LRMDA: variants seen among roughly 807,000 people sequenced by gnomAD.
LRMDA encodes the protein leucine-rich melanocyte differentiation-associated protein.
LRMDA carries 18 observed loss-of-function variants against 29.8 expected under a neutral mutation model. That is an observed-to-expected ratio of 0.60 (90% CI 0.42 to 0.90). LRMDA has a LOEUF of 0.90. Among genes scored for constraint, LRMDA ranks in the 40% least tolerant of loss-of-function variants. LRMDA has a pLI of 0.00. For synonymous variants in LRMDA, 125 were observed against 109.4 expected, an observed-to-expected ratio of 1.14 and a Z score of -0.89; for missense variants, 273 against 273.9, an observed-to-expected ratio of 1.00 and a Z score of 0.02.
chr10:76,058,553 G>T lies in LRMDA; in HGVS notation c.399-113G>T, dbSNP rs939205280. 2.6e-5 allele frequency: 22 copies of T among 854,782 alleles called. No individual in the cohort carries two copies. In the Middle Eastern group the frequency reaches 1.6e-3, roughly 61 times the overall value. 52.9% of individuals were successfully genotyped at this position (854,782 alleles called of 1,614,324 possible). ...AAAGAAGAGAGGAGGCGCAGCCAAG[G>T]TCTAAGTTCCAGAAGACCGGATGGT... On this transcript the variant is annotated intron_variant, in intron 4 of 6. Coordinates refer to ENST00000611255, the MANE Select transcript of LRMDA (RefSeq NM_001305581.2).
At chr10:76,292,730 CTGA>C (rs1330241444) in intron 5 of LRMDA, among the ~76,000 whole-genome samples, 2 of 151,644 alleles carry the variant, frequency 1.3e-5, no homozygotes, top group Non-Finnish European at 2.9e-5. Flanking sequence ...ATAGATTGGG[CTGA>C]TGTTACACAG....
intron 2 of LRMDA, among the ~76,000 whole-genome samples, chr10:75,629,550 C>A (rs1263596729): frequency 6.6e-6 from 1 of 152,200 alleles, no homozygotes; most frequent in East Asian, 1.9e-4. Flanking sequence ...CCTAACTAAT[C>A]AGCTATTTCA....
chr10:76,136,268 C>T (rs954220800), intron 5 of LRMDA, among the ~76,000 whole-genome samples: 2 of 152,064 alleles, frequency 1.3e-5, no homozygotes, highest in Non-Finnish European at 2.9e-5. Flanking sequence ...CAGAGTGTGG[C>T]CATTTATAGG....
At chr10:75,786,221 G>A (rs557268625) in intron 2 of LRMDA, among the ~76,000 whole-genome samples, 32 of 152,284 alleles carry the variant, frequency 2.1e-4, no homozygotes, top group African/African-American at 7.7e-4. Context: ...CATTTGGGGC[G>A]GTATGAAAAG....
intron 5 of LRMDA, among the ~76,000 whole-genome samples, chr10:76,207,141 A>G (rs1036967973): frequency 1.3e-5 from 2 of 151,582 alleles, no homozygotes; most frequent in Non-Finnish European, 2.9e-5. Context: ...AACAGGGGTA[A>G]TGAATCAGCC....
chr10:76,285,652 C>T (rs1840262865), intron 5 of LRMDA, among the ~76,000 whole-genome samples: 1 of 151,960 alleles, frequency 6.6e-6, no homozygotes. Flanking sequence ...AGGCATAGTC[C>T]ACTCCACTGA....
intron 2 of LRMDA, among the ~76,000 whole-genome samples, chr10:75,477,305 C>T (rs989786348): frequency 6.6e-6 from 1 of 152,118 alleles, no homozygotes; most frequent in African/African-American, 2.4e-5. Flanking sequence ...CCCTAATAAC[C>T]TCATTTTAAC....
At chr10:76,213,222 T>C (rs753009907) in intron 5 of LRMDA, among the ~76,000 whole-genome samples, 1 of 152,234 alleles carries the variant, frequency 6.6e-6, no homozygotes, top group Non-Finnish European at 1.5e-5. Context: ...TCTAGACCAG[T>C]GTTCGTTACT....
intron 5 of LRMDA, among the ~76,000 whole-genome samples, chr10:76,110,555 A>G (rs1849560354): frequency 6.6e-6 from 1 of 152,122 alleles, no homozygotes; most frequent in African/African-American, 2.4e-5. Context: ...TGTATCTCTC[A>G]GAATTCCCAC....
At chr10:76,269,289 A>T (rs1185622828) in intron 5 of LRMDA, among the ~76,000 whole-genome samples, 4 of 152,122 alleles carry the variant, frequency 2.6e-5, no homozygotes, top group Non-Finnish European at 4.4e-5. Flanking sequence ...AATAAATTTT[A>T]CATGCTCCAA....
chr10:76,204,612 A>G (rs941490711), intron 5 of LRMDA, among the ~76,000 whole-genome samples: 1 of 152,182 alleles, frequency 6.6e-6, no homozygotes, highest in African/African-American at 2.4e-5. Flanking sequence ...GGGGAAAATT[A>G]CGACTAATCC....
At chr10:76,128,501 A>C (rs910272171) in intron 5 of LRMDA, among the ~76,000 whole-genome samples, 2 of 152,226 alleles carry the variant, frequency 1.3e-5, no homozygotes, top group Admixed American at 6.5e-5. Flanking sequence ...AATTAAAAGC[A>C]AACTTTGACT....
chr10:76,064,323 C>A lies in LRMDA; in HGVS notation c.516+5540C>A, dbSNP rs186487878. On this transcript the variant is annotated intron_variant, in intron 5 of 6. Coordinates refer to ENST00000611255, the MANE Select transcript of LRMDA (RefSeq NM_001305581.2). ...TTTCACGGGGAGGCAAGGGTGTGAT[C>A]TGAAGCTGCGTTCTCCTCGTCACTC... Among the ~76,000 whole-genome samples, 283 of 152,298 alleles carry A rather than the reference C, an allele frequency of 1.9e-3. 1 individual carries two copies. Among genetic ancestry groups the A allele is most frequent in the Middle Eastern group, 6.8e-3 (2 of 294 alleles).
At chr10:75,999,956 CTT>C (rs1369915891) in intron 2 of LRMDA, among the ~76,000 whole-genome samples, 1 of 152,128 alleles carries the variant, frequency 6.6e-6, no homozygotes, top group Non-Finnish European at 1.5e-5. Context: ...GGGGATATCT[CTT>C]TAAACCATTC....
At chr10:76,418,334 GTGTGTGTGTGTGTGTGTATGCATGCA>G (rs1842038159) in intron 6 of LRMDA, among the ~76,000 whole-genome samples, 1 of 151,654 alleles carries the variant, frequency 6.6e-6, no homozygotes, top group South Asian at 2.1e-4. Flanking sequence ...TTTCTTGTGT[GTGTGTGTGTGTGTGTGTATGCATGCA>G]TGTGTGTGGC....
At position 75,517,765 on chromosome 10, in the gene LRMDA, CCTTGT is replaced by C. The variant is rs1156529301; in HGVS notation, c.131+79277_131+79281del. ...GAATAGGAGTGGTGAGAGAGGGCAT[CCTTGT>C]CTTGTGCCAGTTTTCAAAGGGAATG... On this transcript the variant is annotated intron_variant, in intron 2 of 6. Coordinates refer to ENST00000611255, the MANE Select transcript of LRMDA (RefSeq NM_001305581.2). 2.6e-5 allele frequency among the ~76,000 whole-genome samples: 4 copies of C among 152,264 alleles called. No individual in the cohort carries two copies. The East Asian group carries it at 7.7e-4, about 29-fold the overall frequency.
At position 75,587,814 on chromosome 10, in the gene LRMDA, C is replaced by G. The variant is rs571736994; in HGVS notation, c.131+149320C>G. On this transcript the variant is annotated intron_variant, in intron 2 of 6. Transcript: ENST00000611255. ...GGCCACCCTTCAGTAGAGTGCCTGT[C>G]GATCCCTGGTCCAATCAGCCAAGGT... Among the ~76,000 whole-genome samples, 261 of 152,326 alleles carry G rather than the reference C, an allele frequency of 1.7e-3. 1 individual carries two copies. The highest frequency in any genetic ancestry group is 6.0e-3 in the African/African-American group (251 of 41,564).
intron 2 of LRMDA, among the ~76,000 whole-genome samples, chr10:75,817,219 C>A (rs974895165): frequency 1.3e-5 from 2 of 152,184 alleles, no homozygotes; most frequent in Admixed American, 6.6e-5. Context: ...GCATGTGAGG[C>A]CAGAACTCAA....
chr10:76,148,405 C>T (rs1381041335), intron 5 of LRMDA, among the ~76,000 whole-genome samples: 2 of 152,148 alleles, frequency 1.3e-5, no homozygotes, highest in Admixed American at 1.3e-4. Flanking sequence ...GAACCCCTCC[C>T]CCAACCTCGC....
Sources: gnomAD v4.1 joint callset for allele counts (sites outside exome capture counted in the v4.1 genomes callset) on GRCh38, gnomAD v4.1.1 for gene constraint, MANE v1.5 for transcripts, NCBI Gene and HGNC (gene_info 2026-07-23, HGNC 2026-07-21) for gene names.